Variants in PDE3B observed in about 807,000 individuals in gnomAD.
The protein encoded by PDE3B is phosphodiesterase 3B, also known as cGMP-inhibited 3',5'-cyclic phosphodiesterase 3B.
A neutral mutation model predicts 116.8 loss-of-function variants in PDE3B; 66 were observed. That is an observed-to-expected ratio of 0.56 (90% CI 0.46 to 0.69). The LOEUF (loss-of-function observed/expected upper bound fraction) is 0.69. Ranked by LOEUF, PDE3B falls within the 30% of genes least tolerant of loss-of-function variation. The pLI is 0.00. For synonymous variants in PDE3B, 595 were observed against 533.6 expected, an observed-to-expected ratio of 1.12 and a Z score of -1.59; for missense variants, 1,384 against 1,368.1, an observed-to-expected ratio of 1.01 and a Z score of -0.18.
chr11:14,723,711 A>C (rs1159381708), intron 1 of PDE3B, among the ~76,000 whole-genome samples: 1 of 151,984 alleles, frequency 6.6e-6, no homozygotes, highest in Non-Finnish European at 1.5e-5. Context: ...CAAGTGAGCT[A>C]TGATTGGGCC....
chr11:14,805,010 A>G (rs1158596672), intron 5 of PDE3B, among the ~76,000 whole-genome samples: 5 of 152,188 alleles, frequency 3.3e-5, no homozygotes, highest in Non-Finnish European at 5.9e-5. Flanking sequence ...ATAACAGAAC[A>G]AAGTTTAAAA....
At chr11:14,727,752 C>G (rs1856350566) in intron 1 of PDE3B, among the ~76,000 whole-genome samples, 1 of 151,948 alleles carries the variant, frequency 6.6e-6, no homozygotes, top group Non-Finnish European at 1.5e-5. Flanking sequence ...CATTTTTTCT[C>G]CTTTGTCTTT....
the PDE3B span, chr11:14,880,609 G>C: frequency 1.4e-5 from 22 of 1,611,786 alleles, no homozygotes; most frequent in South Asian, 2.4e-4. Flanking sequence ...AAAGTCAAAA[G>C]GTCTACCTTT....
chr11:14,868,319 G>T (rs782289619), intron 15 of PDE3B, among the ~76,000 whole-genome samples: 2 of 152,152 alleles, frequency 1.3e-5, no homozygotes, highest in Non-Finnish European at 2.9e-5. Flanking sequence ...CCTCCTTCAT[G>T]TCACTCCTTT....
At chr11:14,700,959 G>C (rs549680681) in intron 1 of PDE3B, 3 of 151,490 alleles carry the variant, frequency 2.0e-5, no homozygotes, top group Admixed American at 6.6e-5. Flanking sequence ...TGTTCTTTAG[G>C]TACCTTGCTA....
At chr11:14,806,582 G>A (rs984061302) in intron 5 of PDE3B, among the ~76,000 whole-genome samples, 6 of 151,820 alleles carry the variant, frequency 4.0e-5, no homozygotes, top group South Asian at 2.1e-4. Flanking sequence ...ATGTGAGGCC[G>A]GGCGCGGTGG....
intron 1 of PDE3B, among the ~76,000 whole-genome samples, chr11:14,726,985 C>T (rs1159271016): frequency 1.3e-5 from 2 of 152,140 alleles, no homozygotes; most frequent in African/African-American, 4.8e-5. Context: ...TCTTGATTAT[C>T]TCCCCTTGAG....
Position 14,644,002 on chromosome 11 carries a change from G to A in PDE3B, c.-74G>A, listed in dbSNP as rs1327806730. On this transcript the variant is annotated 5_prime_UTR_variant, in exon 1 of 16. Transcript: ENST00000282096. The stretch of plus-strand genomic sequence containing the variant: ...GGGGCGCCCCGAACGCGGGGGTTGG[G>A]GTCTGGGAGCGCGAGCGGCCGCTAC... 5 of 1,383,558 alleles carry A rather than the reference G, an allele frequency of 3.6e-6. No homozygotes were observed. Among genetic ancestry groups the A allele is most frequent in the East Asian group, 3.0e-5 (1 of 33,860 alleles). 85.7% of individuals were successfully genotyped at this position (1,383,558 alleles called of 1,614,324 possible). A position where few individuals can be genotyped will look rare whatever the true frequency, so the allele number is the denominator to read the frequency against.
chr11:14,762,349 C>T (rs958275505), intron 1 of PDE3B, among the ~76,000 whole-genome samples: 1 of 152,084 alleles, frequency 6.6e-6, no homozygotes. Flanking sequence ...AAAATTTTAT[C>T]AGTACAGCTT....
At chr11:14,817,571 G>C (rs1391941311) in intron 5 of PDE3B, among the ~76,000 whole-genome samples, 1 of 152,108 alleles carries the variant, frequency 6.6e-6, no homozygotes, top group Non-Finnish European at 1.5e-5. Flanking sequence ...GCAACATCTT[G>C]AAACCCTGTC....
the PDE3B span, chr11:14,892,245 G>A: frequency 6.3e-7 from 1 of 1,578,064 alleles, no homozygotes; most frequent in Non-Finnish European, 8.6e-7. Context: ...GCAGCCCTGA[G>A]ACCCAGGCAC....
chr11:14,805,630 A>AT (rs949824781), intron 5 of PDE3B, among the ~76,000 whole-genome samples: 1 of 152,106 alleles, frequency 6.6e-6, no homozygotes, highest in African/African-American at 2.4e-5. Context: ...AAAAACGTAC[A>AT]TTTTTTTCAA....
intron 5 of PDE3B, among the ~76,000 whole-genome samples, chr11:14,806,858 C>CAAAA (rs953411145): frequency 6.5e-5 from 3 of 45,872 alleles, no homozygotes; most frequent in Non-Finnish European, 1.2e-4. Flanking sequence ...GACTCCGTCT[C>CAAAA]AAAAAAAAAA....
chr11:14,737,992 C>G (rs1416188055), intron 1 of PDE3B, among the ~76,000 whole-genome samples: 1 of 152,106 alleles, frequency 6.6e-6, no homozygotes, highest in Non-Finnish European at 1.5e-5. Flanking sequence ...TGTATATGTG[C>G]CACATTTTCT....
At chr11:14,832,687 T>G (rs887374667) in intron 9 of PDE3B, 35 bp from the exon 10 acceptor site, 7 of 805,586 alleles carry the variant, frequency 8.7e-6, no homozygotes, top group Non-Finnish European at 1.4e-5. Context: ...GAAATTCTGA[T>G]TTTTAAAGTA....
rs1244627096 is a variant in PDE3B at position 14,753,585 on chromosome 11, T to G, written c.979-18352T>G. On this transcript the variant is annotated intron_variant, in intron 1 of 15. Transcript: ENST00000282096. ...GGTAAATATTAGGCTAAACATCCAGTGCTGTATCTTCAGTATTTTCTACCA... is the reference window on the plus strand; with the variant it reads ...GGTAAATATTAGGCTAAACATCCAGGGCTGTATCTTCAGTATTTTCTACCA... Among the ~76,000 whole-genome samples the G allele has an allele frequency of 5.3e-5, 8 of 152,250 alleles. No homozygotes were observed. In the East Asian group the frequency reaches 1.5e-3, roughly 29 times the overall value.
chr11:14,897,329 C>A, the PDE3B span, among the ~76,000 whole-genome samples: 1 of 152,168 alleles, frequency 6.6e-6, no homozygotes, highest in Admixed American at 6.5e-5. Context: ...CCTCCTAGCC[C>A]TGGCTTGAAG....
At chr11:14,895,796 C>A in the PDE3B span, among the ~76,000 whole-genome samples, 2 of 152,164 alleles carry the variant, frequency 1.3e-5, no homozygotes, top group African/African-American at 4.8e-5. Context: ...AATGCAAAAC[C>A]TGGTGGCAGG....
intron 1 of PDE3B, among the ~76,000 whole-genome samples, chr11:14,705,946 A>T (rs187466119): frequency 6.6e-6 from 1 of 152,060 alleles, no homozygotes; most frequent in East Asian, 1.9e-4. Context: ...AAATGTGGCA[A>T]TAGTCACTTC....
Sources: allele counts gnomAD v4.1 joint callset (sites outside exome capture counted in the v4.1 genomes callset), GRCh38; gene constraint gnomAD v4.1.1; transcripts MANE v1.5; gene names NCBI Gene and HGNC (gene_info 2026-07-23, HGNC 2026-07-21).